The following GSK3B variants were observed in gnomAD, a reference collection of about 807,000 sequenced individuals.
The protein encoded by GSK3B is glycogen synthase kinase 3 beta.
Under a neutral mutation model 56.4 loss-of-function variants are expected in GSK3B, and 15 were observed. The ratio of observed to expected loss-of-function variants is 0.27; its 90% CI spans 0.18 to 0.41. The LOEUF (loss-of-function observed/expected upper bound fraction) is 0.41, where lower values mean the gene tolerates loss of function less well. Among genes scored for constraint, GSK3B ranks in the 10% least tolerant of loss-of-function variants. The pLI is 1.00. For missense variants in GSK3B, 300 were observed against 513.4 expected (o/e 0.58, Z 4.02); for synonymous variants, 181 against 188.9 (o/e 0.96, Z 0.34).
chr3:119,850,419 T>G (rs1462426333), intron 9 of GSK3B, among the ~76,000 whole-genome samples: 1 of 152,224 alleles, frequency 6.6e-6, no homozygotes, highest in Admixed American at 6.5e-5. Flanking sequence ...TTCAGTCTTC[T>G]CTACTTCAAA....
intron 7 of GSK3B, among the ~76,000 whole-genome samples, chr3:119,891,106 T>A (rs7639388): frequency 0.24 from 36,690 of 151,576 alleles, 4,891 homozygotes; most frequent in East Asian, 0.49. Flanking sequence ...GAGGTGAAAG[T>A]GCTACACTGC....
At chr3:119,926,455 G>A (rs2107469158) in intron 3 of GSK3B, among the ~76,000 whole-genome samples, 1 of 152,056 alleles carries the variant, frequency 6.6e-6, no homozygotes, top group East Asian at 1.9e-4. Flanking sequence ...CATCTTCACT[G>A]GTAGAACCCT....
At chr3:119,917,671 TA>T (rs11286440) in intron 4 of GSK3B, among the ~76,000 whole-genome samples, 20,313 of 144,790 alleles carry the variant, frequency 0.14, 1,761 homozygotes, top group African/African-American at 0.26. Context: ...TTTTTTTTTT[TA>T]AAAAAAAAAA....
chr3:119,960,398 C>CTT (rs2057260116), intron 2 of GSK3B, among the ~76,000 whole-genome samples: 2 of 151,946 alleles, frequency 1.3e-5, no homozygotes, highest in South Asian at 4.2e-4. Context: ...ATACACAAAC[C>CTT]TATGCATGTA....
intron 3 of GSK3B, among the ~76,000 whole-genome samples, chr3:119,947,043 CA>C (rs2057107600): frequency 6.7e-6 from 1 of 150,322 alleles, no homozygotes; most frequent in Admixed American, 6.6e-5. Flanking sequence ...CATACTTTAA[CA>C]AAGAAGAAAA....
chr3:120,037,038 T>C (rs992954968), intron 1 of GSK3B, among the ~76,000 whole-genome samples: 2 of 152,166 alleles, frequency 1.3e-5, no homozygotes, highest in Non-Finnish European at 2.9e-5. Context: ...AGAACAGCAG[T>C]TCCTATCACT....
chr3:119,912,817 G>A lies in GSK3B; in HGVS notation c.609-7C>T. Reference sequence around the variant, plus strand: ...TCGGACCAGCTGCTTTGCACTAACAGAAAAAAAATAAAAATAAAAAGCAGA... The same window carrying A: ...TCGGACCAGCTGCTTTGCACTAACAAAAAAAAAATAAAAATAAAAAGCAGA... On this transcript the variant is annotated splice_region_variant and splice_polypyrimidine_tract_variant and intron_variant, in intron 5 of 10. Transcript: ENST00000264235. 4.8e-6 allele frequency: 7 copies of A among 1,446,758 alleles called. No homozygotes were observed. Among genetic ancestry groups the A allele is most frequent in the South Asian group, 3.8e-5 (3 of 79,658 alleles). 89.6% of individuals were successfully genotyped at this position (1,446,758 alleles called of 1,614,324 possible). A position where few individuals can be genotyped will look rare whatever the true frequency, so the allele number is the denominator to read the frequency against.
In GSK3B at chr3:120,028,106, C is replaced by T. The variant is rs188248288; in HGVS notation, c.89-25867G>A. Among the ~76,000 whole-genome samples the T allele has an allele frequency of 7.9e-5, 12 of 152,300 alleles. No homozygotes were observed. In the East Asian group the frequency reaches 1.2e-3, roughly 15 times the overall value. On this transcript the variant is annotated intron_variant, in intron 1 of 10. Transcript: ENST00000264235. The stretch of plus-strand genomic sequence containing the variant: ...AGTCAATGTTTATTCTTCAATTAGG[C>T]ATTGTTATATTCAGCACAGAAAAGA...
intron 8 of GSK3B, among the ~76,000 whole-genome samples, chr3:119,863,969 C>T (rs917819235): frequency 4.6e-5 from 7 of 152,042 alleles, no homozygotes; most frequent in Non-Finnish European, 1.0e-4. Flanking sequence ...AAAAGATTGC[C>T]TCTTTTGCAT....
intron 1 of GSK3B, among the ~76,000 whole-genome samples, chr3:120,089,692 C>A (rs2058494912): frequency 6.6e-6 from 1 of 152,152 alleles, no homozygotes; most frequent in South Asian, 2.1e-4. Flanking sequence ...AAACAACTAG[C>A]TAAATTTTCT....
chr3:119,925,502 T>C (rs2056881691), intron 3 of GSK3B, among the ~76,000 whole-genome samples: 1 of 152,150 alleles, frequency 6.6e-6, no homozygotes, highest in Non-Finnish European at 1.5e-5. Flanking sequence ...TCTATCTCCA[T>C]ATACTCTTAT....
intron 2 of GSK3B, among the ~76,000 whole-genome samples, chr3:119,997,663 T>A (rs913337552): frequency 6.6e-6 from 1 of 152,176 alleles, no homozygotes; most frequent in Non-Finnish European, 1.5e-5. Context: ...ATACACAGAT[T>A]TTTTTAAGAG....
At chr3:119,988,865 A>G (rs991224756) in intron 2 of GSK3B, among the ~76,000 whole-genome samples, 1 of 152,228 alleles carries the variant, frequency 6.6e-6, no homozygotes, top group African/African-American at 2.4e-5. Context: ...CAAGTATAAT[A>G]AAGCAAACCA....
chr3:120,044,117 T>C (rs1376089466), intron 1 of GSK3B, among the ~76,000 whole-genome samples: 1 of 152,162 alleles, frequency 6.6e-6, no homozygotes, highest in Non-Finnish European at 1.5e-5. Context: ...GCATGGTAAC[T>C]CTCTTCCAGG....
At chr3:120,045,089 T>C (rs1161224114) in intron 1 of GSK3B, among the ~76,000 whole-genome samples, 2 of 152,244 alleles carry the variant, frequency 1.3e-5, no homozygotes, top group Non-Finnish European at 2.9e-5. Flanking sequence ...TGCAAACGCT[T>C]ATAAAAACAG....
rs926569926 is a variant in GSK3B at position 119,821,470 on chromosome 3, T to C, written c.*5318A>G. 1 of 152,186 alleles carries C rather than the reference T, an allele frequency of 6.6e-6. No homozygotes were observed. The highest frequency in any genetic ancestry group is 2.4e-5 in the African/African-American group (1 of 41,448). The allele number at this position is 152,186 out of a possible 1,614,324, so 9.4% of individuals were successfully genotyped here. ...ACATGTTTACATACATCATCCAGTA[T>C]TGGAAATGAGCAGACTCAAACACAA... is the stretch of plus-strand genomic sequence containing the variant. On this transcript the variant is annotated 3_prime_UTR_variant, in exon 11 of 11. Coordinates refer to ENST00000264235, the MANE Select transcript of GSK3B (RefSeq NM_001146156.2).
chr3:120,039,101 A>G (rs548605502), intron 1 of GSK3B, among the ~76,000 whole-genome samples: 1 of 152,244 alleles, frequency 6.6e-6, no homozygotes, highest in East Asian at 1.9e-4. Flanking sequence ...GCTCAACATC[A>G]TATGTCATTA....
intron 1 of GSK3B, among the ~76,000 whole-genome samples, chr3:120,074,352 CTT>C (rs61588608): frequency 2.9e-4 from 39 of 134,742 alleles, no homozygotes; most frequent in African/African-American, 2.8e-4. Context: ...TCATGAGAAA[CTT>C]TTTTTTTTTT....
At chr3:119,993,421 TA>T (rs1477115110) in intron 2 of GSK3B, among the ~76,000 whole-genome samples, 3 of 151,816 alleles carry the variant, frequency 2.0e-5, no homozygotes, top group Admixed American at 2.0e-4. Context: ...TACTTCAAAT[TA>T]ATAGTCTATG....
Sources: allele counts gnomAD v4.1 joint callset (sites outside exome capture counted in the v4.1 genomes callset), GRCh38; gene constraint gnomAD v4.1.1; transcripts MANE v1.5; gene names NCBI Gene and HGNC (gene_info 2026-07-23, HGNC 2026-07-21).